The following PLCL1 variants were observed in gnomAD, a reference collection of about 807,000 sequenced individuals.
PLCL1 encodes phospholipase C like 1 (inactive), also known as inactive phospholipase C-like protein 1.
In PLCL1, 41 loss-of-function variants were observed where a neutral mutation model predicts 84.4. The observed-to-expected ratio is 0.49, with a 90% CI of 0.38 to 0.63. The LOEUF is 0.63. Ranked by LOEUF, PLCL1 falls within the 30% of genes least tolerant of loss-of-function variation. PLCL1 has a pLI of 0.00. For synonymous variants in PLCL1, 490 were observed against 488.3 expected (o/e 1.00, Z -0.05); for missense variants, 1,206 against 1,367.8 (o/e 0.88, Z 1.87).
chr2:197,952,034 A>C (rs1470359413), intron 1 of PLCL1, among the ~76,000 whole-genome samples: 2 of 152,180 alleles, frequency 1.3e-5, no homozygotes, highest in African/African-American at 4.8e-5. Flanking sequence ...GACTGATAGG[A>C]TCCTGTCACT....
intron 3 of PLCL1, among the ~76,000 whole-genome samples, chr2:198,097,571 A>G (rs10497815): frequency 0.079 from 12,093 of 152,282 alleles, 535 homozygotes; most frequent in South Asian, 0.15. Context: ...GATAAAAACA[A>G]ATATTTCTAA....
At chr2:197,939,667 C>G (rs1395510794) in intron 1 of PLCL1, among the ~76,000 whole-genome samples, 2 of 151,086 alleles carry the variant, frequency 1.3e-5, no homozygotes, top group Non-Finnish European at 2.9e-5. Flanking sequence ...CATAACCCAT[C>G]TCCAAATACA....
At chr2:198,026,879 G>A (rs990919868) in intron 1 of PLCL1, among the ~76,000 whole-genome samples, 2 of 152,158 alleles carry the variant, frequency 1.3e-5, no homozygotes, top group African/African-American at 4.8e-5. Flanking sequence ...ATATTGGCAA[G>A]GGTGTGGAGA....
At chr2:197,916,881 G>A (rs1688610283) in intron 1 of PLCL1, among the ~76,000 whole-genome samples, 1 of 152,150 alleles carries the variant, frequency 6.6e-6, no homozygotes, top group Admixed American at 6.5e-5. Context: ...TTAGGGAATT[G>A]CAAATTAGAC....
intron 1 of PLCL1, among the ~76,000 whole-genome samples, chr2:197,921,443 G>T (rs4850815): frequency 0.27 from 41,291 of 151,982 alleles, 6,716 homozygotes; most frequent in East Asian, 0.5. Flanking sequence ...TGTATGCCTT[G>T]ATTATAAATA....
At chr2:197,819,956 C>T (rs1690783025) in intron 1 of PLCL1, among the ~76,000 whole-genome samples, 1 of 151,130 alleles carries the variant, frequency 6.6e-6, no homozygotes, top group African/African-American at 2.4e-5. Flanking sequence ...TACTTTTACT[C>T]TTCATTTTCT....
chr2:198,089,599 G>C (rs1428102845), intron 3 of PLCL1, among the ~76,000 whole-genome samples: 1 of 152,102 alleles, frequency 6.6e-6, no homozygotes, highest in Non-Finnish European at 1.5e-5. Context: ...CGTTTCTCTG[G>C]AATAGAATAG....
chr2:197,999,700 C>T (rs892006053), intron 1 of PLCL1, among the ~76,000 whole-genome samples: 26 of 152,180 alleles, frequency 1.7e-4, no homozygotes, highest in African/African-American at 6.0e-4. Context: ...CTCTCCATGA[C>T]TGAGCATCTG....
At chr2:198,006,173 C>T (rs1272703832) in intron 1 of PLCL1, among the ~76,000 whole-genome samples, 1 of 152,114 alleles carries the variant, frequency 6.6e-6, no homozygotes, top group Non-Finnish European at 1.5e-5. Flanking sequence ...AGTCTGTTGA[C>T]ATAAAACATG....
At chr2:198,116,725 A>C (rs1574324189) in intron 5 of PLCL1, among the ~76,000 whole-genome samples, 1 of 151,886 alleles carries the variant, frequency 6.6e-6, no homozygotes, top group Non-Finnish European at 1.5e-5. Flanking sequence ...TATTATGGAA[A>C]GGTTAACAAG....
chr2:198,045,102 C>G (rs1042652726), intron 1 of PLCL1, among the ~76,000 whole-genome samples: 1 of 152,074 alleles, frequency 6.6e-6, no homozygotes, highest in Non-Finnish European at 1.5e-5. Flanking sequence ...TGATTTATAC[C>G]GTATTCTTTT....
At chr2:197,988,269 GT>G (rs1266780080) in intron 1 of PLCL1, among the ~76,000 whole-genome samples, 1 of 152,164 alleles carries the variant, frequency 6.6e-6, no homozygotes, top group African/African-American at 2.4e-5. Context: ...AGGTACAGTG[GT>G]TTTTGGTTAC....
rs867212478 is a variant in PLCL1, at chr2:197,855,326, C to T, written c.240+49987C>T. The stretch of plus-strand genomic sequence containing the variant: ...TGCTATTTTTTTTCAGAGCTGAAGC[C>T]GCTTAATCCCCACATGTGGATTCTG... On this transcript the variant is annotated intron_variant, in intron 1 of 5. Transcript: ENST00000428675. 6.7e-4 allele frequency among the ~76,000 whole-genome samples: 102 copies of T among 152,242 alleles called. 1 individual carries two copies. Among genetic ancestry groups the T allele is most frequent in the African/African-American group, 2.4e-3 (99 of 41,556 alleles).
chr2:197,839,154 G>T (rs1691247700), intron 1 of PLCL1, among the ~76,000 whole-genome samples: 1 of 152,096 alleles, frequency 6.6e-6, no homozygotes, highest in African/African-American at 2.4e-5. Flanking sequence ...TATTTAAAAA[G>T]AAAAACATTT....
chr2:197,907,507 C>T (rs1688409311), intron 1 of PLCL1, among the ~76,000 whole-genome samples: 2 of 152,060 alleles, frequency 1.3e-5, no homozygotes, highest in African/African-American at 4.8e-5. Context: ...GTAGGTTGTT[C>T]CTCAGGGATA....
At chr2:198,037,926 T>G (rs1413293095) in intron 1 of PLCL1, among the ~76,000 whole-genome samples, 1 of 152,162 alleles carries the variant, frequency 6.6e-6, no homozygotes, top group Non-Finnish European at 1.5e-5. Context: ...ACAACTTACT[T>G]TGTAAGTATC....
intron 1 of PLCL1, among the ~76,000 whole-genome samples, chr2:197,999,130 T>C (rs1237346633): frequency 6.6e-6 from 1 of 152,092 alleles, no homozygotes; most frequent in Non-Finnish European, 1.5e-5. Flanking sequence ...TTTCTTCCCA[T>C]TGGTGGAAGC....
At chr2:197,877,289 G>T (rs1687752480) in intron 1 of PLCL1, among the ~76,000 whole-genome samples, 1 of 152,020 alleles carries the variant, frequency 6.6e-6, no homozygotes, top group African/African-American at 2.4e-5. Flanking sequence ...TGAGAGGAAT[G>T]CCTGGGAAAA....
At chr2:197,887,331 G>C (rs1687941269) in intron 1 of PLCL1, among the ~76,000 whole-genome samples, 1 of 152,154 alleles carries the variant, frequency 6.6e-6, no homozygotes, top group Non-Finnish European at 1.5e-5. Context: ...GTTGTCTTCA[G>C]TATTTTGCTG....
Sources: gnomAD v4.1 joint callset for allele counts (sites outside exome capture counted in the v4.1 genomes callset) on GRCh38, gnomAD v4.1.1 for gene constraint, MANE v1.5 for transcripts, NCBI Gene and HGNC (gene_info 2026-07-23, HGNC 2026-07-21) for gene names.